ULK4: variants seen among roughly 807,000 people sequenced by gnomAD.
ULK4 encodes inactive serine/threonine-protein kinase ULK4.
Under a neutral mutation model 160.6 loss-of-function variants are expected in ULK4, and 133 were observed. The ratio of observed to expected loss-of-function variants is 0.83; its 90% confidence interval spans 0.72 to 0.96. ULK4 has a LOEUF of 0.96. ULK4 is among the 40% of genes least tolerant of loss of function. ULK4 has a pLI of 0.00. For synonymous variants in ULK4, 534 were observed against 539.8 expected (o/e 0.99, Z 0.15); for missense variants, 1,580 against 1,499.5 (o/e 1.05, Z -0.89).
intron 2 of ULK4, among the ~76,000 whole-genome samples, chr3:41,951,758 C>T (rs181632226): frequency 2.6e-5 from 4 of 152,110 alleles, no homozygotes; most frequent in Admixed American, 6.6e-5. Flanking sequence ...CTTTAGGAGG[C>T]GATTAGGTCA....
intron 32 of ULK4, among the ~76,000 whole-genome samples, chr3:41,539,907 C>T (rs1000817512): frequency 2.6e-5 from 4 of 152,108 alleles, no homozygotes; most frequent in South Asian, 2.1e-4. Context: ...TCCTCATCCA[C>T]TATCTCAGCC....
intron 32 of ULK4, among the ~76,000 whole-genome samples, chr3:41,511,154 C>T (rs1166854546): frequency 5.3e-4 from 52 of 97,876 alleles, no homozygotes; most frequent in Non-Finnish European, 9.4e-4. Flanking sequence ...CAGAGCGAGA[C>T]TCCGTCTCAA....
At chr3:41,653,834 C>T (rs1255122111) in intron 30 of ULK4, among the ~76,000 whole-genome samples, 2 of 152,148 alleles carry the variant, frequency 1.3e-5, no homozygotes, top group Admixed American at 6.6e-5. Flanking sequence ...CTTTAGATGA[C>T]AAGGGAAAGT....
chr3:41,624,558 TAAC>T (rs1366190873), intron 30 of ULK4, among the ~76,000 whole-genome samples: 3 of 152,180 alleles, frequency 2.0e-5, no homozygotes, highest in Admixed American at 6.5e-5. Flanking sequence ...CTATAAATGC[TAAC>T]ATTCCATTCT....
At chr3:41,669,242 A>G (rs914464219) in intron 29 of ULK4, among the ~76,000 whole-genome samples, 3 of 152,182 alleles carry the variant, frequency 2.0e-5, no homozygotes, top group Admixed American at 6.5e-5. Flanking sequence ...TAAAATGCAT[A>G]TAATTTTAAG....
At position 41,785,038 on chromosome 3, in the gene ULK4, C is replaced by T. The variant is rs904484958; in HGVS notation, c.2193+4623G>A. ...TACAAATAAATGGTACCCACATAAT[C>T]TACCTTTCCAAAGAACAATCAAGCA... On this transcript the variant is annotated intron_variant, in intron 21 of 36. Coordinates refer to ENST00000301831, the MANE Select transcript of ULK4 (RefSeq NM_017886.4). Among the ~76,000 whole-genome samples the T allele has an allele frequency of 2.6e-5, 4 of 152,174 alleles. No homozygotes were observed. The East Asian group carries it at 7.7e-4, about 29-fold the overall frequency.
intron 21 of ULK4, among the ~76,000 whole-genome samples, chr3:41,770,527 T>TG (rs1257572053): frequency 2.6e-5 from 4 of 151,146 alleles, no homozygotes; most frequent in Non-Finnish European, 1.5e-5. Flanking sequence ...TTTTTTTTTT[T>TG]GAGACAGAGT....
chr3:41,715,869 A>C (rs1232144134), intron 23 of ULK4, among the ~76,000 whole-genome samples: 1 of 152,018 alleles, frequency 6.6e-6, no homozygotes, highest in Non-Finnish European at 1.5e-5. Flanking sequence ...TGTATTTTCC[A>C]AATTTCAATC....
chr3:41,836,124 A>T (rs1033155987), intron 17 of ULK4, among the ~76,000 whole-genome samples, 153 bp from the exon 18 acceptor site: 1 of 152,216 alleles, frequency 6.6e-6, no homozygotes, highest in Non-Finnish European at 1.5e-5. Flanking sequence ...TATTCCTGAA[A>T]ATACAGTAAC....
intron 32 of ULK4, among the ~76,000 whole-genome samples, chr3:41,538,402 G>A (rs879556845): frequency 6.6e-6 from 1 of 151,934 alleles, no homozygotes; most frequent in Non-Finnish European, 1.5e-5. Context: ...ATCTTGAAAT[G>A]GCAGGCAACA....
chr3:41,334,190 G>T (rs2080505214), intron 35 of ULK4, among the ~76,000 whole-genome samples: 1 of 152,114 alleles, frequency 6.6e-6, no homozygotes, highest in Non-Finnish European at 1.5e-5. Context: ...TAAACACGGA[G>T]GGCTTGTCAC....
At chr3:41,751,566 G>A (rs1440145502) in intron 22 of ULK4, among the ~76,000 whole-genome samples, 2 of 152,152 alleles carry the variant, frequency 1.3e-5, no homozygotes, top group East Asian at 3.9e-4. Context: ...CATGCCTTCA[G>A]ACCACTATGT....
chr3:41,326,343 T>C (rs939345071), intron 35 of ULK4, among the ~76,000 whole-genome samples: 7 of 152,288 alleles, frequency 4.6e-5, no homozygotes, highest in Admixed American at 4.6e-4. Context: ...GAATCTTTGA[T>C]TGAAATGCCT....
chr3:41,759,774 T>C (rs987410998), intron 21 of ULK4, among the ~76,000 whole-genome samples: 22 of 152,052 alleles, frequency 1.4e-4, no homozygotes, highest in African/African-American at 4.6e-4. Context: ...GATAGACACA[T>C]AGAACAAGGA....
intron 34 of ULK4, among the ~76,000 whole-genome samples, chr3:41,410,674 T>C (rs1317807565): frequency 1.3e-5 from 2 of 152,156 alleles, no homozygotes; most frequent in African/African-American, 2.4e-5. Context: ...TCAATAAAAC[T>C]GTTATAAAAA....
At chr3:41,315,773 C>T (rs1258821554) in intron 35 of ULK4, among the ~76,000 whole-genome samples, 1 of 152,112 alleles carries the variant, frequency 6.6e-6, no homozygotes, top group Non-Finnish European at 1.5e-5. Flanking sequence ...CCAATAAGCA[C>T]ATGAAAACAT....
chr3:41,248,728 C>T (rs2078689212), intron 36 of ULK4, among the ~76,000 whole-genome samples: 1 of 152,236 alleles, frequency 6.6e-6, no homozygotes. Context: ...AGGTCAGGCA[C>T]CCCATAGGAG....
At chr3:41,910,149 G>T (rs1698728074) in intron 11 of ULK4, among the ~76,000 whole-genome samples, 1 of 152,040 alleles carries the variant, frequency 6.6e-6, no homozygotes, top group Admixed American at 6.6e-5. Context: ...GCCTGCCTTG[G>T]CCTCCCAAAG....
chr3:41,409,615 G>A (rs1463285007), intron 34 of ULK4, among the ~76,000 whole-genome samples: 1 of 152,088 alleles, frequency 6.6e-6, no homozygotes, highest in Non-Finnish European at 1.5e-5. Context: ...TAGTCAATAA[G>A]AACAGGAAAA....
Sources: allele counts gnomAD v4.1 joint callset (sites outside exome capture counted in the v4.1 genomes callset), GRCh38; gene constraint gnomAD v4.1.1; transcripts MANE v1.5; gene names NCBI Gene and HGNC (gene_info 2026-07-23, HGNC 2026-07-21).